Variants in PCSK5 observed in about 807,000 individuals in gnomAD.
PCSK5 encodes proprotein convertase subtilisin/kexin type 5, also known as prohormone convertase 5.
PCSK5 carries 129 observed loss-of-function variants against 233.2 expected under a neutral mutation model. That is an observed-to-expected ratio of 0.55 (90% CI 0.48 to 0.64). The LOEUF (loss-of-function observed/expected upper bound fraction) is 0.64. PCSK5 is among the 30% of genes least tolerant of loss of function. The pLI, the probability that PCSK5 is intolerant of heterozygous loss-of-function variation, is 0.00. For missense variants in PCSK5, 2,076 were observed against 2,430.1 expected (o/e 0.85, Z 3.06); for synonymous variants, 825 against 879.2 (o/e 0.94, Z 1.09).
At position 76,289,030 on chromosome 9, in the gene PCSK5, G is replaced by A. The variant is rs557337844; in HGVS notation, c.3143-3203G>A. Among the ~76,000 whole-genome samples the A allele has an allele frequency of 1.1e-4, 17 of 152,258 alleles. No homozygotes were observed. The South Asian group carries it at 2.3e-3, about 20-fold the overall frequency. On this transcript the variant is annotated intron_variant, in intron 24 of 37. Transcript: ENST00000674117. ...AATGTCTCCATGGGACAGTGAGTTCGTGATGAGTGACAGTACAGATGATCC... is the reference window on the plus strand; with the variant it reads ...AATGTCTCCATGGGACAGTGAGTTCATGATGAGTGACAGTACAGATGATCC...
intron 2 of PCSK5, among the ~76,000 whole-genome samples, chr9:75,971,690 A>G (rs981562401): frequency 1.3e-5 from 2 of 152,046 alleles, no homozygotes; most frequent in African/African-American, 4.8e-5. Context: ...ATCAGTGATG[A>G]TGAGCTTTTT....
At chr9:76,310,956 G>A (rs1564172205) in intron 30 of PCSK5, 105 bp downstream of exon 30, 2 of 762,778 alleles carry the variant, frequency 2.6e-6, no homozygotes, top group Non-Finnish European at 4.1e-6. Flanking sequence ...TGCTCTACGA[G>A]CACCCACATA....
At chr9:76,142,061 G>C (rs967465390) in intron 10 of PCSK5, among the ~76,000 whole-genome samples, 10 of 152,010 alleles carry the variant, frequency 6.6e-5, no homozygotes, top group Admixed American at 1.3e-4. Flanking sequence ...GAAATAATCT[G>C]TACAACACAG....
At chr9:76,173,623 CA>C (rs1186815879) in intron 13 of PCSK5, among the ~76,000 whole-genome samples, 2 of 148,164 alleles carry the variant, frequency 1.3e-5, no homozygotes, top group Admixed American at 6.9e-5. Flanking sequence ...GTAAGTGATC[CA>C]GACTCATAGA....
intron 1 of PCSK5, among the ~76,000 whole-genome samples, chr9:75,897,295 A>C (rs73464423): frequency 0.06 from 9,153 of 152,020 alleles, 791 homozygotes; most frequent in African/African-American, 0.19. Flanking sequence ...TGAAAGGAAG[A>C]GGAATAAGTG....
chr9:75,935,167 A>C (rs944502767), intron 2 of PCSK5, among the ~76,000 whole-genome samples: 1 of 152,156 alleles, frequency 6.6e-6, no homozygotes, highest in Non-Finnish European at 1.5e-5. Context: ...TCCCGTTTTC[A>C]AGCAACTGTC....
At chr9:75,998,485 C>T (rs533086218) in intron 3 of PCSK5, among the ~76,000 whole-genome samples, 1 of 152,310 alleles carries the variant, frequency 6.6e-6, no homozygotes, top group East Asian at 1.9e-4. Context: ...GCCCTCAGCT[C>T]ATGCTCAATA....
At chr9:76,191,600 T>G (rs550433520) in intron 20 of PCSK5, among the ~76,000 whole-genome samples, 2 of 152,312 alleles carry the variant, frequency 1.3e-5, no homozygotes, top group South Asian at 4.1e-4. Flanking sequence ...TGACTTTGCA[T>G]CTCCATGGTT....
chr9:76,087,140 T>C (rs1831096708), intron 7 of PCSK5, among the ~76,000 whole-genome samples: 1 of 152,208 alleles, frequency 6.6e-6, no homozygotes, highest in Admixed American at 6.5e-5. Context: ...TCACACCAAC[T>C]TGTACACTGT....
Position 76,210,985 on chromosome 9 carries a change from A to G in PCSK5, c.2627-16518A>G, listed in dbSNP as rs372758904. ...GGTGGCACTCACCTAGATTGGAAGC[A>G]CAGGAGGGGTATCAGTGCTGGGCTA... is the stretch of plus-strand genomic sequence containing the variant. On this transcript the variant is annotated intron_variant, in intron 20 of 37. Transcript: ENST00000674117. 1.4e-4 allele frequency among the ~76,000 whole-genome samples: 22 copies of G among 152,242 alleles called. No homozygotes were observed. The East Asian group carries it at 4.3e-3, about 29-fold the overall frequency.
intron 20 of PCSK5, among the ~76,000 whole-genome samples, chr9:76,207,331 G>A (rs2131279586): frequency 6.6e-6 from 1 of 152,262 alleles, no homozygotes; most frequent in Middle Eastern, 3.4e-3. Context: ...AATTCTCTGA[G>A]CCACCATTTT....
intron 7 of PCSK5, among the ~76,000 whole-genome samples, chr9:76,078,576 G>A (rs1019737566): frequency 1.3e-5 from 2 of 152,084 alleles, no homozygotes; most frequent in African/African-American, 4.8e-5. Flanking sequence ...TATTGAATAA[G>A]GAGTCCTTTC....
chr9:75,957,319 T>A (rs1441168118), intron 2 of PCSK5, among the ~76,000 whole-genome samples: 1 of 152,192 alleles, frequency 6.6e-6, no homozygotes, highest in African/African-American at 2.4e-5. Flanking sequence ...TGGTCTAGCG[T>A]GCCTTAGTTT....
chr9:76,163,464 G>A (rs776025956), intron 12 of PCSK5, among the ~76,000 whole-genome samples: 23 of 152,208 alleles, frequency 1.5e-4, no homozygotes, highest in Non-Finnish European at 2.6e-4. Context: ...CCATTAGCCC[G>A]GCGTGCATGC....
intron 7 of PCSK5, among the ~76,000 whole-genome samples, chr9:76,094,913 A>G (rs1831446227): frequency 6.6e-6 from 1 of 152,200 alleles, no homozygotes; most frequent in African/African-American, 2.4e-5. Context: ...CCTAACCAAG[A>G]AATTCTTTTA....
intron 7 of PCSK5, among the ~76,000 whole-genome samples, chr9:76,094,992 T>G (rs1273018961): frequency 1.3e-5 from 2 of 152,242 alleles, no homozygotes; most frequent in African/African-American, 4.8e-5. Flanking sequence ...AAGATAATGT[T>G]AATGGATCTA....
intron 17 of PCSK5, among the ~76,000 whole-genome samples, chr9:76,185,597 T>C (rs796084456): frequency 7.2e-5 from 11 of 152,306 alleles, no homozygotes; most frequent in African/African-American, 2.6e-4. Context: ...TCATTTCTTT[T>C]TCCCCCCATG....
intron 2 of PCSK5, among the ~76,000 whole-genome samples, chr9:75,983,992 C>A (rs1014796671): frequency 6.6e-6 from 1 of 152,084 alleles, no homozygotes; most frequent in African/African-American, 2.4e-5. Flanking sequence ...TAAAAAAAAC[C>A]CACTGAACTT....
chr9:76,291,990 C>T (rs1761886514), intron 24 of PCSK5, among the ~76,000 whole-genome samples: 1 of 152,134 alleles, frequency 6.6e-6, no homozygotes, highest in Non-Finnish European at 1.5e-5. Flanking sequence ...TGAACCTATT[C>T]CTCCTTGAAA....
Sources: allele counts gnomAD v4.1 joint callset (sites outside exome capture counted in the v4.1 genomes callset), GRCh38; gene constraint gnomAD v4.1.1; transcripts MANE v1.5; gene names NCBI Gene and HGNC (gene_info 2026-07-23, HGNC 2026-07-21).